FGD6: variants seen among roughly 807,000 people sequenced by gnomAD.
FGD6 encodes the protein FYVE, RhoGEF and PH domain-containing protein 6.
Under a neutral mutation model 149.4 loss-of-function variants are expected in FGD6, and 90 were observed. The ratio of observed to expected loss-of-function variants is 0.60; its 90% CI spans 0.51 to 0.72. The LOEUF (loss-of-function observed/expected upper bound fraction) is 0.72. Ranked by LOEUF, FGD6 falls within the 30% of genes least tolerant of loss-of-function variation. The pLI is 0.00. For missense variants in FGD6, 1,437 were observed against 1,684.8 expected, an observed-to-expected ratio of 0.85 and a Z score of 2.57; for synonymous variants, 527 against 584.0, an observed-to-expected ratio of 0.90 and a Z score of 1.41.
Position 95,208,951 on chromosome 12 carries a change from T to A in FGD6, c.2333A>T (p.Gln778Leu), listed in dbSNP as rs748630177. ...AGCGTCCTCCATGCTGCTGGAATTC[T>A]GCCATTCCAACTCTTGAGTTTTCCG... ...AIRKTQELEW[Q>L]NSSSMEDADA... Residue 778 changes from glutamine to leucine, a missense_variant, in exon 2 of 21, where the codon CAG (glutamine) becomes CTG (leucine). By Grantham distance (113) the Gln-to-Leu change is moderately radical (BLOSUM62 -2). Around this residue, in one of 2 missense-constraint regions of FGD6, gnomAD observed 1,055 missense variants for 1,146.0 expected, o/e 0.92. Transcript: ENST00000343958. The A allele has an allele frequency of 6.2e-7, 1 of 1,614,206 alleles. No individual in the cohort carries two copies. Among genetic ancestry groups the A allele is most frequent in the East Asian group, 2.2e-5 (1 of 44,886 alleles).
At chr12:95,160,677 G>A (rs1880612980) in intron 3 of FGD6, among the ~76,000 whole-genome samples, 1 of 152,156 alleles carries the variant, frequency 6.6e-6, no homozygotes, top group African/African-American at 2.4e-5. Flanking sequence ...CAATCAAACA[G>A]CTTATGATAT....
At chr12:95,123,855 C>T (rs976635212) in intron 8 of FGD6, among the ~76,000 whole-genome samples, 5 of 151,986 alleles carry the variant, frequency 3.3e-5, no homozygotes, top group African/African-American at 1.2e-4. Flanking sequence ...AGCCACCACG[C>T]CCGGCCAATA....
rs78419370 is a variant in FGD6, at chr12:95,190,667, A to G, written c.2442-17923T>C. On this transcript the variant is annotated intron_variant, in intron 2 of 20. Transcript: ENST00000343958. ...ATACTATATTTTGGCCAAAAAATAT[A>G]TGTTGAAATCCTGAACTATATGGAT... Among the ~76,000 whole-genome samples the G allele has an allele frequency of 9.9e-3, 1,503 of 152,306 alleles. 24 individuals carry two copies. The highest frequency in any genetic ancestry group is 0.034 in the African/African-American group (1,424 of 41,568).
chr12:95,081,429 G>T lies in FGD6; in HGVS notation c.*91C>A. The T allele has an allele frequency of 8.6e-7, 1 of 1,158,092 alleles. No homozygotes were observed. The highest frequency in any genetic ancestry group is 1.2e-6 in the Non-Finnish European group (1 of 837,698). 71.7% of individuals were successfully genotyped at this position (1,158,092 alleles called of 1,614,324 possible). A position where few individuals can be genotyped will look rare whatever the true frequency, so the allele number is the denominator to read the frequency against. On this transcript the variant is annotated 3_prime_UTR_variant, in exon 21 of 21. Transcript: ENST00000343958. ...GTCTGGTTGGCTTTATCTTGGCAGT[G>T]TTCATTTTTATACAATTTTTGAATT...
intron 19 of FGD6, 139 bp downstream of exon 19, chr12:95,085,641 T>G: frequency 1.1e-6 from 1 of 889,026 alleles, no homozygotes. Context: ...ACATTAAAAA[T>G]AACAGCAACA....
At position 95,081,425 on chromosome 12, in the gene FGD6, C is replaced by G; in HGVS notation, c.*95G>C. The G allele has an allele frequency of 9.3e-7, 1 of 1,078,698 alleles. No individual in the cohort carries two copies. The highest frequency in any genetic ancestry group is 2.2e-5 in the South Asian group (1 of 45,620). 66.8% of individuals were successfully genotyped at this position (1,078,698 alleles called of 1,614,324 possible). ...AAGGGTCTGGTTGGCTTTATCTTGG[C>G]AGTGTTCATTTTTATACAATTTTTG... is the stretch of plus-strand genomic sequence containing the variant. On this transcript the variant is annotated 3_prime_UTR_variant, in exon 21 of 21. Coordinates refer to ENST00000343958, the MANE Select transcript of FGD6 (RefSeq NM_018351.4).
chr12:95,153,136 A>G lies in FGD6; in HGVS notation c.2587-143T>C. The G allele has an allele frequency of 7.5e-6, 5 of 669,146 alleles. No homozygotes were observed. In the South Asian group the frequency reaches 9.4e-5, roughly 13 times the overall value. 41.5% of individuals were successfully genotyped at this position (669,146 alleles called of 1,614,324 possible). Reference sequence around the variant, plus strand: ...CATACCATATAACATTTCAAATGGCAAACGTGGAGAATTGGATGAGGGATA... The same window carrying G: ...CATACCATATAACATTTCAAATGGCGAACGTGGAGAATTGGATGAGGGATA... On this transcript the variant is annotated intron_variant, in intron 3 of 20. Transcript: ENST00000343958.
At chr12:95,138,682 G>A (rs1008929312) in intron 6 of FGD6, among the ~76,000 whole-genome samples, 2 of 152,028 alleles carry the variant, frequency 1.3e-5, no homozygotes, top group East Asian at 3.8e-4. Context: ...TTGGAGACAT[G>A]GAATTCATTT....
intron 8 of FGD6, among the ~76,000 whole-genome samples, chr12:95,124,781 T>C (rs1445443468): frequency 1.3e-5 from 2 of 152,190 alleles, no homozygotes; most frequent in East Asian, 3.8e-4. Context: ...CCATCATAAA[T>C]GTAGGTGCAA....
chr12:95,176,479 A>G (rs886473518), intron 2 of FGD6, among the ~76,000 whole-genome samples: 5 of 152,308 alleles, frequency 3.3e-5, no homozygotes, highest in Non-Finnish European at 5.9e-5. Context: ...AGTGGGCTCT[A>G]CTTCCCCAAG....
In FGD6 at chr12:95,207,909, A is replaced by T. The variant is rs529546100; in HGVS notation, c.2441+934T>A. 3.3e-5 allele frequency among the ~76,000 whole-genome samples: 5 copies of T among 152,324 alleles called. 1 individual carries two copies. The South Asian group carries it at 1.0e-3, about 32-fold the overall frequency. On this transcript the variant is annotated intron_variant, in intron 2 of 20. Transcript: ENST00000343958. ...ATTATTGAGGATGGGCACGATTTTA[A>T]TAAGAGAGATGGAGTAGGTATTCCA...
chr12:95,124,321 A>C (rs1186264546), intron 8 of FGD6, among the ~76,000 whole-genome samples: 1 of 152,228 alleles, frequency 6.6e-6, no homozygotes, highest in Non-Finnish European at 1.5e-5. Flanking sequence ...ACTTAAAAGA[A>C]GCTGTTACCC....
Position 95,110,936 on chromosome 12 carries a change from A to G in FGD6, c.3134-2375T>C, listed in dbSNP as rs75668532. ...ACTCTTCTGCCTACCTTTCAAAGTT[A>G]TTCTTGCCTCACCTTCCCTCACCCT... On this transcript the variant is annotated intron_variant, in intron 9 of 20. Transcript: ENST00000343958. Among the ~76,000 whole-genome samples the G allele has an allele frequency of 2.0e-3, 306 of 152,136 alleles. 1 individual carries two copies. The highest frequency in any genetic ancestry group is 3.2e-3 in the Non-Finnish European group (215 of 67,978).
chr12:95,100,055 T>TTCCCC (rs1878369040), intron 14 of FGD6, among the ~76,000 whole-genome samples: 1 of 129,188 alleles, frequency 7.7e-6, no homozygotes, highest in Non-Finnish European at 1.7e-5. Flanking sequence ...ACTTTTCTGA[T>TTCCCC]CCCCCCCCCC....
intron 13 of FGD6, among the ~76,000 whole-genome samples, chr12:95,105,554 T>C (rs931869019): frequency 3.3e-5 from 5 of 152,242 alleles, no homozygotes; most frequent in African/African-American, 1.2e-4. Context: ...TAGTGTACTG[T>C]CTTCCCAACT....
intron 3 of FGD6, among the ~76,000 whole-genome samples, chr12:95,156,567 C>G (rs186274832): frequency 4.0e-5 from 6 of 151,472 alleles, no homozygotes; most frequent in Non-Finnish European, 7.4e-5. Context: ...AATTTCGCCC[C>G]GTCCTGTGGT....
intron 1 of FGD6, among the ~76,000 whole-genome samples, chr12:95,212,818 AGAG>A (rs1290497162): frequency 2.6e-5 from 4 of 152,194 alleles, no homozygotes; most frequent in African/African-American, 9.7e-5. Context: ...TTTAAAAAAA[AGAG>A]GAGTAGGGTG....
chr12:95,149,163 TATATA>T (rs370288845), intron 5 of FGD6, among the ~76,000 whole-genome samples: 390 of 3,008 alleles, frequency 0.13, 93 homozygotes, highest in Middle Eastern at 0.5. Context: ...ATATATAGCA[TATATA>T]ATATTATATA....
At chr12:95,140,490 G>A (rs1408911139) in intron 6 of FGD6, among the ~76,000 whole-genome samples, 3 of 152,162 alleles carry the variant, frequency 2.0e-5, no homozygotes, top group African/African-American at 7.2e-5. Flanking sequence ...GGTGGCATGC[G>A]CCTGTAATCC....
Sources: gnomAD v4.1 joint callset for allele counts (sites outside exome capture counted in the v4.1 genomes callset) on GRCh38, gnomAD v4.1.1 for gene constraint, gnomAD v4.1.1 regional missense constraint, MANE v1.5 for transcripts, NCBI Gene and HGNC (gene_info 2026-07-23, HGNC 2026-07-21) for gene names.